Variants in SKAP2 observed in about 807,000 individuals in gnomAD.
SKAP2 encodes src kinase-associated phosphoprotein 2.
Under a neutral mutation model 54.9 loss-of-function variants are expected in SKAP2, and 28 were observed. The ratio of observed to expected loss-of-function variants is 0.51; its 90% confidence interval spans 0.38 to 0.70. The LOEUF (loss-of-function observed/expected upper bound fraction) is 0.70, where lower values mean the gene tolerates loss of function less well. Ranked by LOEUF, SKAP2 falls within the 30% of genes least tolerant of loss-of-function variation. The pLI is 0.00. For missense variants in SKAP2, 356 were observed against 424.1 expected, an observed-to-expected ratio of 0.84 and a Z score of 1.41; for synonymous variants, 137 against 134.3, an observed-to-expected ratio of 1.02 and a Z score of -0.14.
chr7:26,738,614 T>C (rs1782358748), intron 6 of SKAP2, among the ~76,000 whole-genome samples, 181 bp downstream of exon 6: 1 of 152,180 alleles, frequency 6.6e-6, no homozygotes, highest in African/African-American at 2.4e-5. Context: ...TCTGAGGGTA[T>C]TCTGGTATTT....
chr7:26,818,756 G>A (rs1421679367), intron 4 of SKAP2, among the ~76,000 whole-genome samples: 1 of 152,094 alleles, frequency 6.6e-6, no homozygotes, highest in Non-Finnish European at 1.5e-5. Context: ...CAAAAAGGGG[G>A]TAAAGGATAT....
At chr7:26,783,751 A>T (rs907432002) in intron 4 of SKAP2, among the ~76,000 whole-genome samples, 3 of 152,060 alleles carry the variant, frequency 2.0e-5, no homozygotes, top group African/African-American at 7.2e-5. Context: ...AAAAGAACAC[A>T]TGGACACAGG....
At chr7:26,704,280 T>C (rs918515867) in intron 9 of SKAP2, among the ~76,000 whole-genome samples, 3 of 152,166 alleles carry the variant, frequency 2.0e-5, no homozygotes, top group African/African-American at 7.2e-5. Flanking sequence ...GGAAAAATCA[T>C]CTCCCATCAC....
intron 4 of SKAP2, among the ~76,000 whole-genome samples, chr7:26,762,372 T>A (rs1019814395): frequency 2.6e-5 from 4 of 152,216 alleles, no homozygotes; most frequent in Non-Finnish European, 5.9e-5. Flanking sequence ...TTGCTAGCTG[T>A]CTTTGAACTG....
chr7:26,746,258 G>A (rs1369956689), intron 4 of SKAP2, among the ~76,000 whole-genome samples: 3 of 152,120 alleles, frequency 2.0e-5, no homozygotes, highest in African/African-American at 7.2e-5. Context: ...TTCCACAAGT[G>A]CAGTTTAATT....
At chr7:26,726,086 A>G (rs1231015416) in intron 7 of SKAP2, 100 bp from the exon 8 acceptor site, 3 of 740,500 alleles carry the variant, frequency 4.1e-6, no homozygotes, top group Non-Finnish European at 6.6e-6. Flanking sequence ...AATTCTTTTC[A>G]TGTCTAGTGG....
intron 4 of SKAP2, among the ~76,000 whole-genome samples, chr7:26,813,328 T>C (rs112966601): frequency 1.1e-4 from 17 of 152,308 alleles, no homozygotes; most frequent in African/African-American, 4.1e-4. Flanking sequence ...GGGGTTTCCA[T>C]ACTGATTTAC....
intron 4 of SKAP2, among the ~76,000 whole-genome samples, chr7:26,818,087 C>A (rs1228481974): frequency 6.6e-6 from 1 of 152,108 alleles, no homozygotes; most frequent in African/African-American, 2.4e-5. Context: ...GAAAAAACTA[C>A]TTTAAATTTC....
At chr7:26,856,505 T>C (rs1270731047) in intron 1 of SKAP2, among the ~76,000 whole-genome samples, 1 of 152,172 alleles carries the variant, frequency 6.6e-6, no homozygotes, top group Non-Finnish European at 1.5e-5. Flanking sequence ...CCAGTGCAAA[T>C]TAGACACAGA....
At chr7:26,756,042 C>A (rs1782783713) in intron 4 of SKAP2, among the ~76,000 whole-genome samples, 1 of 151,958 alleles carries the variant, frequency 6.6e-6, no homozygotes, top group Non-Finnish European at 1.5e-5. Flanking sequence ...CATTATGAAG[C>A]CATTCTAAAT....
intron 11 of SKAP2, among the ~76,000 whole-genome samples, chr7:26,672,879 T>G (rs1004000089): frequency 6.6e-6 from 1 of 152,018 alleles, no homozygotes; most frequent in African/African-American, 2.4e-5. Flanking sequence ...TTCTAAACTT[T>G]GGCCTGAACA....
chr7:26,662,691 C>T (rs1360326575), downstream of SKAP2, among the ~76,000 whole-genome samples: 1 of 152,032 alleles, frequency 6.6e-6, no homozygotes, highest in Non-Finnish European at 1.5e-5. Context: ...ATATGCTGAC[C>T]AACTGAAGCA....
chr7:26,829,734 C>T (rs895668422), intron 4 of SKAP2, among the ~76,000 whole-genome samples: 7 of 151,814 alleles, frequency 4.6e-5, no homozygotes, highest in South Asian at 2.1e-4. Context: ...CTAGGATGGC[C>T]GAAATAAAAA....
In SKAP2 at chr7:26,693,462, T is replaced by G. The variant is rs191567557; in HGVS notation, c.797-3100A>C. Among the ~76,000 whole-genome samples, 161 of 152,240 alleles carry G rather than the reference T, an allele frequency of 1.1e-3. 2 individuals are homozygous for G. The South Asian group carries it at 0.019, about 18-fold the overall frequency. On this transcript the variant is annotated intron_variant, in intron 9 of 12. Coordinates refer to ENST00000345317, the MANE Select transcript of SKAP2 (RefSeq NM_003930.5). ...TCTTTGACAAAGTTAACAATGAATT[T>G]AGAAGTATTTGTTACTATGAATTTT...
At chr7:26,718,463 G>C (rs1787508869) in intron 9 of SKAP2, among the ~76,000 whole-genome samples, 1 of 151,852 alleles carries the variant, frequency 6.6e-6, no homozygotes, top group African/African-American at 2.4e-5. Flanking sequence ...AGTTTACGTA[G>C]GGTAGGGAGT....
rs771091070 is a variant in SKAP2 at position 26,844,014 on chromosome 7, G to A, written c.307+16C>T. The A allele has an allele frequency of 1.3e-6, 2 of 1,485,968 alleles. No individual in the cohort carries two copies. Among genetic ancestry groups the A allele is most frequent in the Non-Finnish European group, 1.9e-6 (2 of 1,064,240 alleles). 92.0% of individuals were successfully genotyped at this position (1,485,968 alleles called of 1,614,324 possible). ...TTTGTGTGAGTGTCAGAGTTACGTG[G>A]GAAAATGTCACATACCATCAGAGGG... On this transcript the variant is annotated intron_variant, in intron 4 of 12. Coordinates refer to ENST00000345317, the MANE Select transcript of SKAP2 (RefSeq NM_003930.5).
At chr7:26,793,859 C>G (rs938906605) in intron 4 of SKAP2, among the ~76,000 whole-genome samples, 1 of 152,186 alleles carries the variant, frequency 6.6e-6, no homozygotes, top group African/African-American at 2.4e-5. Context: ...TATTGACAGC[C>G]TCTGTAAAGC....
At chr7:26,795,763 G>C (rs1783764364) in intron 4 of SKAP2, among the ~76,000 whole-genome samples, 1 of 152,096 alleles carries the variant, frequency 6.6e-6, no homozygotes, top group African/African-American at 2.4e-5. Context: ...CTTAACTCTT[G>C]AAAAAATAAA....
At chr7:26,790,875 T>C (rs564794407) in intron 4 of SKAP2, among the ~76,000 whole-genome samples, 1 of 152,336 alleles carries the variant, frequency 6.6e-6, no homozygotes, top group South Asian at 2.1e-4. Context: ...AAGTCTTGAA[T>C]ATAGCAACAT....
Sources: allele counts gnomAD v4.1 joint callset (sites outside exome capture counted in the v4.1 genomes callset), GRCh38; gene constraint gnomAD v4.1.1; transcripts MANE v1.5; gene names NCBI Gene and HGNC (gene_info 2026-07-23, HGNC 2026-07-21).